Variants in CDH18 observed in about 807,000 individuals in gnomAD.
CDH18 encodes the protein cadherin-18.
Under a neutral mutation model 67.9 loss-of-function variants are expected in CDH18, and 31 were observed. The observed-to-expected ratio is 0.46, with a 90% confidence interval of 0.34 to 0.62. The LOEUF is 0.62. Among genes scored for constraint, CDH18 ranks in the 20% least tolerant of loss-of-function variants. CDH18 has a pLI of 0.01. For synonymous variants in CDH18, 362 were observed against 347.2 expected (o/e 1.04, Z -0.48); for missense variants, 890 against 975.5 (o/e 0.91, Z 1.17).
At chr5:19,799,061 C>A (rs1777148566) in intron 3 of CDH18, among the ~76,000 whole-genome samples, 1 of 151,974 alleles carries the variant, frequency 6.6e-6, no homozygotes, top group Non-Finnish European at 1.5e-5. Flanking sequence ...CACAGGTGTG[C>A]AGGTATCTCT....
At chr5:19,523,476 T>C (rs1254043438) in intron 9 of CDH18, among the ~76,000 whole-genome samples, 2 of 152,006 alleles carry the variant, frequency 1.3e-5, no homozygotes, top group Non-Finnish European at 2.9e-5. Context: ...ATTTAACATA[T>C]TGAAACAATT....
At chr5:20,001,978 C>A (rs1236113360) in intron 2 of CDH18, among the ~76,000 whole-genome samples, 1 of 152,128 alleles carries the variant, frequency 6.6e-6, no homozygotes, top group Non-Finnish European at 1.5e-5. Context: ...TCTAAAGATT[C>A]CTCAGGCTGC....
chr5:19,473,285 G>T lies in CDH18; in HGVS notation c.2314C>A (p.Pro772Thr). Residue 772 changes from proline (P) to threonine (T), a missense_variant, in exon 13 of 13, where the codon CCC becomes ACC. Transcript: ENST00000382275. ...QDYHYLGDWG[P>T]EFKKLAELYG... ...AGTTCAGCTAACTTTTTAAACTCGG[G>T]TCCCCAGTCTCCAAGGTAGTGATAA... The T allele has an allele frequency of 6.2e-7, 1 of 1,613,666 alleles. No homozygotes were observed. Among genetic ancestry groups the T allele is most frequent in the Non-Finnish European group, 8.5e-7 (1 of 1,179,818 alleles).
chr5:19,656,517 T>A (rs1249531731), intron 5 of CDH18, among the ~76,000 whole-genome samples: 1 of 152,084 alleles, frequency 6.6e-6, no homozygotes, highest in African/African-American at 2.4e-5. Context: ...TTTGGACAGC[T>A]TAGAAATGTA....
chr5:20,516,403 T>C (rs1200915588), intron 1 of CDH18, among the ~76,000 whole-genome samples: 2 of 151,976 alleles, frequency 1.3e-5, no homozygotes, highest in African/African-American at 4.8e-5. Flanking sequence ...ATGGAAAATA[T>C]AGTAAGATAA....
intron 2 of CDH18, among the ~76,000 whole-genome samples, chr5:20,237,617 T>C (rs948180236): frequency 9.9e-5 from 15 of 151,928 alleles, no homozygotes; most frequent in Non-Finnish European, 1.9e-4. Context: ...ATATAAAATA[T>C]CTGTACTATA....
intron 2 of CDH18, among the ~76,000 whole-genome samples, chr5:20,167,518 A>C (rs1164823345): frequency 1.3e-5 from 2 of 152,098 alleles, no homozygotes; most frequent in South Asian, 4.1e-4. Flanking sequence ...AGAAAAATAA[A>C]TAAAAGAGAA....
At chr5:19,490,394 G>GTTTTTTTTTTTTTTTTTTTTT (rs70950073) in intron 11 of CDH18, among the ~76,000 whole-genome samples, 1 of 60,208 alleles carries the variant, frequency 1.7e-5, no homozygotes, top group African/African-American at 6.7e-5. Flanking sequence ...ATAAAAATCT[G>GTTTTTTTTTTTTTTTTTTTTT]TTTTTTTTTT....
At position 19,483,335 on chromosome 5, in the gene CDH18, T is replaced by G. The variant is rs776918299; in HGVS notation, c.1848A>C (p.Leu616Phe). Residue 616 changes from leucine (L) to phenylalanine (F), a missense_variant, in exon 12 of 13, where the codon TTA (leucine) becomes TTC (phenylalanine). Transcript: ENST00000382275. ...LSSAGLSTGA[L>F]IAILLCVLIL... ...TGAGAACACAGAGAAGAATAGCGAT[T>G]AAGGCTCCTGTACTCAAACCAGCCG... The G allele has an allele frequency of 6.2e-7, 1 of 1,614,022 alleles. No individual in the cohort carries two copies. The highest frequency in any genetic ancestry group is 1.1e-5 in the South Asian group (1 of 91,078).
At chr5:20,569,407 G>A (rs994365815) in intron 1 of CDH18, among the ~76,000 whole-genome samples, 1 of 152,154 alleles carries the variant, frequency 6.6e-6, no homozygotes, top group Admixed American at 6.5e-5. Context: ...CGGATCATGA[G>A]GTCAAGAGTT....
chr5:20,498,803 A>C (rs549807958), intron 1 of CDH18, among the ~76,000 whole-genome samples: 1 of 152,214 alleles, frequency 6.6e-6, no homozygotes, highest in South Asian at 2.1e-4. Flanking sequence ...TTTTGTTAAT[A>C]TTACAAATGC....
At chr5:20,336,647 C>T (rs1371101821) in intron 1 of CDH18, among the ~76,000 whole-genome samples, 15 of 135,376 alleles carry the variant, frequency 1.1e-4, no homozygotes, top group East Asian at 2.3e-4. Flanking sequence ...GGCGTGAACC[C>T]GGGAGGCATA....
intron 5 of CDH18, among the ~76,000 whole-genome samples, chr5:19,669,419 A>G (rs955914004): frequency 2.6e-5 from 4 of 151,620 alleles, no homozygotes; most frequent in Non-Finnish European, 5.9e-5. Context: ...CAGCCGCCTG[A>G]GTAGCTGGGA....
At chr5:20,560,048 T>C (rs1458612385) in intron 1 of CDH18, among the ~76,000 whole-genome samples, 1 of 152,100 alleles carries the variant, frequency 6.6e-6, no homozygotes, top group Non-Finnish European at 1.5e-5. Context: ...TTCAGCATCA[T>C]ATGCTCCAGT....
intron 1 of CDH18, among the ~76,000 whole-genome samples, chr5:20,342,049 C>T (rs1378727465): frequency 6.6e-6 from 1 of 152,024 alleles, no homozygotes; most frequent in African/African-American, 2.4e-5. Flanking sequence ...CTAAGATTGC[C>T]CTGAGTAAGA....
rs144715296 is a variant in CDH18, at chr5:20,112,533, A to T, written c.-517-120519T>A. Among the ~76,000 whole-genome samples the T allele has an allele frequency of 8.2e-3, 1,251 of 152,186 alleles. 17 individuals carry two copies. Among genetic ancestry groups the T allele is most frequent in the African/African-American group, 0.029 (1,214 of 41,534 alleles). ...TAGAGGAATTCTCACTAGCTATTGA[A>T]AAATAAATCCCCAAATCTACTTGGG... On this transcript the variant is annotated intron_variant, in intron 2 of 14. Transcript: ENST00000507958.
At chr5:20,313,044 T>A (rs774338524) in intron 1 of CDH18, among the ~76,000 whole-genome samples, 3 of 152,104 alleles carry the variant, frequency 2.0e-5, no homozygotes, top group Non-Finnish European at 4.4e-5. Flanking sequence ...GAGGTTATAG[T>A]TACACATGCA....
At chr5:19,780,974 T>G (rs1321113412) in intron 3 of CDH18, among the ~76,000 whole-genome samples, 1 of 152,088 alleles carries the variant, frequency 6.6e-6, no homozygotes, top group Admixed American at 6.6e-5. Context: ...TGAAATTAAA[T>G]ACAGCAAGTC....
At chr5:19,952,624 A>G (rs1454633628) in intron 2 of CDH18, among the ~76,000 whole-genome samples, 1 of 152,220 alleles carries the variant, frequency 6.6e-6, no homozygotes, top group African/African-American at 2.4e-5. Context: ...ATCCTTAAAA[A>G]TAAAACTATT....
Sources: gnomAD v4.1 joint callset for allele counts (sites outside exome capture counted in the v4.1 genomes callset) on GRCh38, gnomAD v4.1.1 for gene constraint, MANE v1.5 for transcripts, NCBI Gene and HGNC (gene_info 2026-07-23, HGNC 2026-07-21) for gene names.